COL4A3: variants seen among roughly 807,000 people sequenced by gnomAD.
The protein encoded by COL4A3 is collagen type IV alpha 3 chain.
A neutral mutation model predicts 217.4 loss-of-function variants in COL4A3; 135 were observed. The observed-to-expected ratio is 0.62, with a 90% CI of 0.54 to 0.72. COL4A3 has a LOEUF of 0.72. Ranked by LOEUF, COL4A3 falls within the 30% of genes least tolerant of loss-of-function variation. COL4A3 has a pLI of 0.00. For missense variants in COL4A3, 1,868 were observed against 2,119.9 expected (o/e 0.88, Z 2.33); for synonymous variants, 690 against 736.3 (o/e 0.94, Z 1.02).
At position 227,191,762 on chromosome 2, in the gene COL4A3, T is replaced by C. The variant is rs1201726527; in HGVS notation, c.87+26949T>C. On this transcript the variant is annotated intron_variant, in intron 1 of 51. Coordinates refer to ENST00000396578, the MANE Select transcript of COL4A3 (RefSeq NM_000091.5). The surrounding 1 kb of genome is among the most constrained non-coding windows in gnomAD (Gnocchi z 6.8). ...AATGAAAATCATTTTCTTATTTTTG[T>C]AATTATGAAGGCTAAAAATAAAGAT... Among the ~76,000 whole-genome samples, 1 of 152,240 alleles carries C rather than the reference T, an allele frequency of 6.6e-6. No homozygotes were observed. The highest frequency in any genetic ancestry group is 1.9e-4 in the East Asian group (1 of 5,196).
At chr2:227,277,776 G>A (rs897977316) in intron 28 of COL4A3, among the ~76,000 whole-genome samples, 1 of 152,168 alleles carries the variant, frequency 6.6e-6, no homozygotes, top group Non-Finnish European at 1.5e-5. Context: ...AAGGCAGGCA[G>A]ATCACTTGAG....
rs751106507 is a variant in COL4A3, at chr2:227,295,291, C to T, written c.3540C>T (p.Gly1180=). Residue 1180 remains glycine, a synonymous_variant, in exon 41 of 52, where the codon GGC becomes GGT. Transcript: ENST00000396578. The part of the protein sequence containing the change: ...GETGLLRAPP[G]PRGNPGAQGA... ...CAGGTTTATTGAGGGCCCCTCCAGG[C>T]CCAAGAGGGAACCCTGGTGCTCAAG... 5.6e-6 allele frequency: 9 copies of T among 1,614,026 alleles called. No homozygotes were observed. The highest frequency in any genetic ancestry group is 7.6e-6 in the Non-Finnish European group (9 of 1,179,994).
intron 46 of COL4A3, chr2:227,304,383 GT>G (rs200694403): frequency 1.4e-4 from 54 of 392,104 alleles, no homozygotes; most frequent in Admixed American, 7.2e-4. Flanking sequence ...AGGGCAGCAT[GT>G]TTTTTTTATT....
At chr2:227,215,490 G>A (rs72975997) in intron 1 of COL4A3, among the ~76,000 whole-genome samples, 14,329 of 152,024 alleles carry the variant, frequency 0.094, 787 homozygotes, top group East Asian at 0.23. Flanking sequence ...ACAGAGTCTC[G>A]CTCTGTCGCC....
chr2:227,260,082 T>C, intron 19 of COL4A3: 1 of 732,306 alleles, frequency 1.4e-6, no homozygotes, highest in Non-Finnish European at 2.5e-6. Context: ...GTAATTAAAT[T>C]ATCTTTATGT....
At chr2:227,222,814 G>A (rs1456856241) in intron 1 of COL4A3, among the ~76,000 whole-genome samples, 1 of 152,146 alleles carries the variant, frequency 6.6e-6, no homozygotes, top group Non-Finnish European at 1.5e-5. Flanking sequence ...CAGCGGGCAG[G>A]AATCGCACCT....
chr2:227,312,185 A>C lies in COL4A3; in HGVS notation c.*315A>C, dbSNP rs2070735. The C allele has an allele frequency of 0.81, 249,333 of 306,248 alleles. 103,101 individuals are homozygous for C. Among genetic ancestry groups the C allele is most frequent in the Non-Finnish European group, 0.88 (140,459 of 160,104 alleles). 19.0% of individuals were successfully genotyped at this position (306,248 alleles called of 1,614,324 possible). On this transcript the variant is annotated 3_prime_UTR_variant, in exon 52 of 52. Transcript: ENST00000396578. The stretch of plus-strand genomic sequence containing the variant: ...GATTGTATGAAGTTTGAATGCTGCA[A>C]GTTATGAAATATTTGGCCCGCTGGA...
At chr2:227,185,595 C>T (rs142690718) in intron 1 of COL4A3, among the ~76,000 whole-genome samples, 1 of 152,322 alleles carries the variant, frequency 6.6e-6, no homozygotes, top group African/African-American at 2.4e-5. Context: ...ATATAGTCCA[C>T]TGATTTTCCC....
At chr2:227,219,440 G>T (rs1198255092) in intron 1 of COL4A3, among the ~76,000 whole-genome samples, 1 of 152,196 alleles carries the variant, frequency 6.6e-6, no homozygotes, top group African/African-American at 2.4e-5. Context: ...TTTTTGCAGA[G>T]CCAATCCCAA....
intron 3 of COL4A3, among the ~76,000 whole-genome samples, chr2:227,241,870 C>G (rs1559858323): frequency 6.6e-6 from 1 of 152,096 alleles, no homozygotes; most frequent in Non-Finnish European, 1.5e-5. Flanking sequence ...CAATGTAGTT[C>G]CCATCATTAC....
chr2:227,249,225 TA>T lies in COL4A3; in HGVS notation c.546+706del, dbSNP rs1382833390. Among the ~76,000 whole-genome samples the T allele has an allele frequency of 2.1e-4, 9 of 43,184 alleles. 1 individual carries two copies. Among genetic ancestry groups the T allele is most frequent in the African/African-American group, 6.4e-4 (9 of 13,954 alleles). 28.3% of individuals were successfully genotyped at this position (43,184 alleles called of 152,430 possible). A position where few individuals can be genotyped will look rare whatever the true frequency, so the allele number is the denominator to read the frequency against. Reference sequence around the variant, plus strand: ...CAAAATTAGCTAGTATATATATATATATATATTTTTTTTTTTTTTTTTTTTT... The same window carrying T: ...CAAAATTAGCTAGTATATATATATATTATATTTTTTTTTTTTTTTTTTTTT... On this transcript the variant is annotated intron_variant, in intron 9 of 51. Transcript: ENST00000396578.
At chr2:227,184,899 T>A (rs2065973342) in intron 1 of COL4A3, among the ~76,000 whole-genome samples, 1 of 91,056 alleles carries the variant, frequency 1.1e-5, no homozygotes, top group Admixed American at 1.4e-4. Context: ...GCCTTTTTTT[T>A]TTTTTTTTTT....
intron 11 of COL4A3, 108 bp downstream of exon 11, chr2:227,251,479 T>C: frequency 1.0e-6 from 1 of 996,376 alleles, no homozygotes; most frequent in Non-Finnish European, 1.6e-6. Context: ...TCTCTGGAAC[T>C]CACAAGGATC....
chr2:227,184,865 CT>C (rs2065970132), intron 1 of COL4A3, among the ~76,000 whole-genome samples: 1 of 145,562 alleles, frequency 6.9e-6, no homozygotes, highest in Non-Finnish European at 1.5e-5. Context: ...TTCTTGACCC[CT>C]CCTTTGCATG....
chr2:227,288,968 T>TTTTG (rs2072510038), intron 34 of COL4A3, among the ~76,000 whole-genome samples, 182 bp from the exon 35 acceptor site: 1 of 144,714 alleles, frequency 6.9e-6, no homozygotes, highest in Non-Finnish European at 1.5e-5. Flanking sequence ...TTTTTTTTTT[T>TTTTG]GAGATGGAGT....
At chr2:227,177,307 T>G (rs1186104830) in intron 1 of COL4A3, among the ~76,000 whole-genome samples, 6 of 150,458 alleles carry the variant, frequency 4.0e-5, no homozygotes, top group Non-Finnish European at 8.9e-5. Context: ...CTGCCACCAC[T>G]CCCGGCTAAT....
At chr2:227,173,826 A>G (rs2125647219) in intron 1 of COL4A3, among the ~76,000 whole-genome samples, 1 of 152,312 alleles carries the variant, frequency 6.6e-6, no homozygotes, top group African/African-American at 2.4e-5. Context: ...TTAAGTCTTC[A>G]AGGTCTGGTG....
intron 43 of COL4A3, among the ~76,000 whole-genome samples, chr2:227,300,050 G>A (rs1007033657): frequency 1.3e-5 from 2 of 152,096 alleles, no homozygotes; most frequent in Non-Finnish European, 2.9e-5. Context: ...TAAATACTTG[G>A]TTCTTTCAAA....
intron 1 of COL4A3, among the ~76,000 whole-genome samples, chr2:227,202,916 CAT>C (rs1237942303): frequency 0.02 from 320 of 15,996 alleles, 60 homozygotes; most frequent in East Asian, 0.032. Flanking sequence ...TGTATATATA[CAT>C]ATATGTGTAT....
Sources: allele counts gnomAD v4.1 joint callset (sites outside exome capture counted in the v4.1 genomes callset), GRCh38; gene constraint gnomAD v4.1.1; non-coding constraint Gnocchi (gnomAD v3.1); transcripts MANE v1.5; gene names NCBI Gene and HGNC (gene_info 2026-07-23, HGNC 2026-07-21).